The following SULT4A1 variants were observed in gnomAD, a reference collection of about 807,000 sequenced individuals.
SULT4A1 encodes sulfotransferase 4A1.
In SULT4A1, 11 loss-of-function variants were observed where a neutral mutation model predicts 35.2. The ratio of observed to expected loss-of-function variants is 0.31; its 90% CI spans 0.20 to 0.52. The LOEUF is 0.52. SULT4A1 is among the 20% of genes least tolerant of loss of function. The pLI, the probability that SULT4A1 is intolerant of heterozygous loss-of-function variation, is 0.97. For missense variants in SULT4A1, 271 were observed against 383.7 expected (o/e 0.71, Z 2.45); for synonymous variants, 152 against 151.8 (o/e 1.00, Z -0.01).
chr22:43,837,974 A>G (rs1215187029), intron 4 of SULT4A1, among the ~76,000 whole-genome samples: 1 of 152,216 alleles, frequency 6.6e-6, no homozygotes, highest in Non-Finnish European at 1.5e-5. Context: ...GAAGAGTCTC[A>G]GTGTAGATTT....
chr22:43,839,037 C>T (rs369563199), intron 3 of SULT4A1, 44 bp from the exon 4 acceptor site: 55 of 1,606,302 alleles, frequency 3.4e-5, no homozygotes, highest in Non-Finnish European at 4.1e-5. Flanking sequence ...TCCTTCCCTC[C>T]CAGGCAGGGC....
At chr22:43,840,346 G>GC (rs2063416418) in intron 2 of SULT4A1, among the ~76,000 whole-genome samples, 1 of 152,062 alleles carries the variant, frequency 6.6e-6, no homozygotes, top group African/African-American at 2.4e-5. Context: ...GCAAGAGGAG[G>GC]CAAGGCTGTC....
intron 5 of SULT4A1, among the ~76,000 whole-genome samples, chr22:43,832,117 TCA>T (rs1407892345): frequency 5.3e-5 from 8 of 152,148 alleles, no homozygotes; most frequent in African/African-American, 4.8e-5. Flanking sequence ...GCCGACGGCT[TCA>T]CAGAGGTCAG....
chr22:43,843,998 T>C (rs2063454738), intron 1 of SULT4A1, among the ~76,000 whole-genome samples: 4 of 152,046 alleles, frequency 2.6e-5, no homozygotes, highest in Admixed American at 2.6e-4. Flanking sequence ...TCTCGTGCTG[T>C]CTCCAGGTGG....
chr22:43,835,933 A>G (rs2063368209), intron 4 of SULT4A1, among the ~76,000 whole-genome samples: 1 of 152,090 alleles, frequency 6.6e-6, no homozygotes, highest in African/African-American at 2.4e-5. Context: ...CTGGGTGGAG[A>G]GCCTTCCCAC....
rs758955183 is a variant in SULT4A1, at chr22:43,827,622, C to T, written c.742+1438G>A. ...TTCTCACCAACTCAAGAAGATCTTC[C>T]GAGCAAAGACGCAATGTGCTAAAAG... On this transcript the variant is annotated intron_variant, in intron 6 of 6. Transcript: ENST00000330884. The T allele has an allele frequency of 1.8e-5, 24 of 1,366,364 alleles. No homozygotes were observed. In the East Asian group the frequency reaches 6.4e-4, roughly 36 times the overall value. The allele number at this position is 1,366,364 out of a possible 1,614,324, so 84.6% of individuals were successfully genotyped here.
At chr22:43,856,537 C>A (rs2049402612) in intron 1 of SULT4A1, among the ~76,000 whole-genome samples, 2 of 152,328 alleles carry the variant, frequency 1.3e-5, no homozygotes, top group Non-Finnish European at 2.9e-5. Context: ...CAAACCCTCC[C>A]TACCAAGCTA....
At chr22:43,839,062 C>A in intron 3 of SULT4A1, 69 bp from the exon 4 acceptor site, 1 of 1,589,478 alleles carries the variant, frequency 6.3e-7, no homozygotes, top group Non-Finnish European at 8.6e-7. Context: ...CCGACACAGG[C>A]CAGCCTCCCT....
Position 43,825,206 on chromosome 22 carries a change from C to T in SULT4A1, c.*795G>A, listed in dbSNP as rs893017849. On this transcript the variant is annotated 3_prime_UTR_variant, in exon 7 of 7. Coordinates refer to ENST00000330884, the MANE Select transcript of SULT4A1 (RefSeq NM_014351.4). ...TTCAGCTCAAATTCCGAGCGCAACT[C>T]GGTCCTTTGGTGGCCGACTCTCCAC... The T allele has an allele frequency of 5.9e-5, 9 of 152,238 alleles. No homozygotes were observed. Among genetic ancestry groups the T allele is most frequent in the Non-Finnish European group, 1.2e-4 (8 of 68,054 alleles). 9.4% of individuals were successfully genotyped at this position (152,238 alleles called of 1,614,324 possible).
chr22:43,826,444 C>A (rs2063287524), intron 6 of SULT4A1: 1 of 985,190 alleles, frequency 1.0e-6, no homozygotes, highest in South Asian at 4.7e-5. Flanking sequence ...GGGTCCCCAG[C>A]ACCTAGAACG....
intron 3 of SULT4A1, among the ~76,000 whole-genome samples, chr22:43,839,411 T>C (rs1430741731): frequency 6.6e-6 from 1 of 152,122 alleles, no homozygotes; most frequent in Non-Finnish European, 1.5e-5. Context: ...CTGACCAACA[T>C]GGTGAAACCC....
At chr22:43,860,999 G>T (rs536707263) in intron 1 of SULT4A1, among the ~76,000 whole-genome samples, 16 of 152,244 alleles carry the variant, frequency 1.1e-4, no homozygotes, top group African/African-American at 3.6e-4. Context: ...GATTAACAGC[G>T]ATAGAGCACT....
chr22:43,828,757 T>A, intron 6 of SULT4A1: 1 of 346,998 alleles, frequency 2.9e-6, no homozygotes. Context: ...TCAGGCCATC[T>A]GAGTAGACTC....
At position 43,839,910 on chromosome 22, in the gene SULT4A1, ACTCAT is replaced by A. The variant is rs745635236; in HGVS notation, c.381+30_381+34del. The A allele has an allele frequency of 5.1e-6, 8 of 1,573,062 alleles. No individual in the cohort carries two copies. The East Asian group carries it at 6.9e-5, about 13-fold the overall frequency. The stretch of plus-strand genomic sequence containing the variant: ...GGACCTTGGGCTCCTCTTGGTGGGG[ACTCAT>A]CTCGGGAGGCAGAGGAGGTGCCAGC... On this transcript the variant is annotated intron_variant, in intron 3 of 6. Coordinates refer to ENST00000330884, the MANE Select transcript of SULT4A1 (RefSeq NM_014351.4).
chr22:43,841,671 C>A (rs908847968), intron 2 of SULT4A1, 131 bp downstream of exon 2: 1 of 1,403,182 alleles, frequency 7.1e-7, no homozygotes, highest in South Asian at 1.4e-5. Context: ...GCCAGCTTCT[C>A]CCCTGGCTAT....
intron 6 of SULT4A1, chr22:43,827,651 ACAAAT>A (rs748066210): frequency 5.0e-5 from 68 of 1,366,272 alleles, no homozygotes; most frequent in Non-Finnish European, 6.3e-5. Flanking sequence ...CTAAAAGAAA[ACAAAT>A]CAAAGAACTG....
At chr22:43,840,792 T>C (rs1425779573) in intron 2 of SULT4A1, among the ~76,000 whole-genome samples, 1 of 152,222 alleles carries the variant, frequency 6.6e-6, no homozygotes, top group Admixed American at 6.5e-5. Context: ...CCAGCCCTCA[T>C]GAAGCCAAAG....
intron 5 of SULT4A1, among the ~76,000 whole-genome samples, chr22:43,831,288 C>CGGCAGCTACCCCCGAGATGTGTG (rs2063323998): frequency 6.6e-6 from 1 of 151,318 alleles, no homozygotes; most frequent in African/African-American, 2.4e-5. Context: ...ACTGCTGACC[C>CGGCAGCTACCCCCGAGATGTGTG]GGCAGCTGCC....
chr22:43,852,020 T>A (rs916852551), intron 1 of SULT4A1, among the ~76,000 whole-genome samples: 2 of 152,194 alleles, frequency 1.3e-5, no homozygotes, highest in Non-Finnish European at 2.9e-5. Context: ...CAGAGCTTTC[T>A]ATCCCTTTAT....
Sources: gnomAD v4.1 joint callset for allele counts (sites outside exome capture counted in the v4.1 genomes callset) on GRCh38, gnomAD v4.1.1 for gene constraint, MANE v1.5 for transcripts, NCBI Gene and HGNC (gene_info 2026-07-23, HGNC 2026-07-21) for gene names.